The following REM1 variants were observed in gnomAD, a reference collection of about 807,000 sequenced individuals.
REM1 encodes the protein GTP-binding protein REM 1.
In REM1, 20 loss-of-function variants were observed where a neutral mutation model predicts 27.0. The observed-to-expected ratio is 0.74, with a 90% CI of 0.52 to 1.08. The LOEUF (loss-of-function observed/expected upper bound fraction) is 1.08, where lower values mean the gene tolerates loss of function less well. Among genes scored for constraint, REM1 ranks in the 50% least tolerant of loss-of-function variants. The probability of loss-of-function intolerance (pLI) is 0.00; values close to 1 mark genes in which losing one functional copy is unlikely to be tolerated. For synonymous variants in REM1, 159 were observed against 167.9 expected, an observed-to-expected ratio of 0.95 and a Z score of 0.41; for missense variants, 405 against 407.0, an observed-to-expected ratio of 1.00 and a Z score of 0.04.
chr20:31,476,828 G>A (rs774652168), intron 2 of REM1, 43 bp downstream of exon 2: 20 of 1,510,038 alleles, frequency 1.3e-5, no homozygotes, highest in East Asian at 6.9e-5. Flanking sequence ...CCAAAGGAGC[G>A]AAAGCCCTGT....
chr20:31,476,059 T>C (rs1443569311), intron 1 of REM1, among the ~76,000 whole-genome samples, 168 bp from the exon 2 acceptor site: 4 of 152,200 alleles, frequency 2.6e-5, no homozygotes, highest in African/African-American at 9.6e-5. Flanking sequence ...CAGGTCCGTG[T>C]ACACGGAATG....
At chr20:31,478,903 C>G (rs183604676) in intron 3 of REM1, among the ~76,000 whole-genome samples, 5 of 151,266 alleles carry the variant, frequency 3.3e-5, no homozygotes, top group Non-Finnish European at 7.4e-5. Context: ...GGCGCCATCT[C>G]GGCTCACTGC....
At chr20:31,480,060 G>A (rs1254767262) in intron 3 of REM1, among the ~76,000 whole-genome samples, 1 of 152,110 alleles carries the variant, frequency 6.6e-6, no homozygotes, top group East Asian at 1.9e-4. Flanking sequence ...TTGCACTCCA[G>A]CCTAGGCAAC....
At chr20:31,478,677 G>A (rs560718063) in intron 3 of REM1, among the ~76,000 whole-genome samples, 5 of 152,100 alleles carry the variant, frequency 3.3e-5, no homozygotes, top group Non-Finnish European at 7.4e-5. Flanking sequence ...TAGGGGATAG[G>A]CTGCTCAAAA....
At chr20:31,480,285 A>C (rs1193739265) in intron 3 of REM1, among the ~76,000 whole-genome samples, 3 of 151,066 alleles carry the variant, frequency 2.0e-5, no homozygotes, top group African/African-American at 7.3e-5. Flanking sequence ...ATACATACAT[A>C]GATACTACAG....
At chr20:31,480,252 T>C (rs201298634) in intron 3 of REM1, among the ~76,000 whole-genome samples, 1 of 28,812 alleles carries the variant, frequency 3.5e-5, no homozygotes, top group East Asian at 0.25. Flanking sequence ...CATACACACA[T>C]ACATACATAC....
intron 4 of REM1, among the ~76,000 whole-genome samples, chr20:31,483,471 C>A (rs929792372): frequency 6.6e-6 from 1 of 152,088 alleles, no homozygotes; most frequent in Admixed American, 6.6e-5. Flanking sequence ...ATTCAAATTT[C>A]TCAAAGCTTT....
In REM1 at chr20:31,476,914, A is replaced by G. The variant is rs921287051; in HGVS notation, c.340+129A>G. Reference sequence around the variant, plus strand: ...CAACTCTAAGGGGCATCATTCACTTAGACTATGACATGCACGATGCCCCCC... The same window carrying G: ...CAACTCTAAGGGGCATCATTCACTTGGACTATGACATGCACGATGCCCCCC... On this transcript the variant is annotated intron_variant, in intron 2 of 4. Coordinates refer to ENST00000201979, the MANE Select transcript of REM1 (RefSeq NM_014012.6). The G allele has an allele frequency of 5.3e-6, 4 of 759,410 alleles. No homozygotes were observed. In the African/African-American group the frequency reaches 5.3e-5, roughly 10 times the overall value. The allele number at this position is 759,410 out of a possible 1,614,324, so 47.0% of individuals were successfully genotyped here.
chr20:31,482,363 G>A lies in REM1; in HGVS notation c.500G>A (p.Gly167Asp). The change falls in exon 4 of 5, where the codon GGC (glycine) becomes GAC (aspartate). Residue 167 changes from glycine to aspartate, a missense_variant. Physicochemically the swap from Gly to Asp is moderately conservative, Grantham distance 94. Transcript: ENST00000201979. ...YVIVYSIADR[G>D]SFESASELRI... ...ATCGTATACTCCATCGCAGACCGAG[G>A]CAGCTTTGAGAGTGCCTCTGAGCTC... The A allele has an allele frequency of 6.2e-7, 1 of 1,614,168 alleles. No homozygotes were observed. The highest frequency in any genetic ancestry group is 8.5e-7 in the Non-Finnish European group (1 of 1,180,038).
At chr20:31,476,863 A>G (rs1398579808) in intron 2 of REM1, 78 bp downstream of exon 2, 7 of 1,239,602 alleles carry the variant, frequency 5.6e-6, no homozygotes, top group Admixed American at 2.6e-5. Context: ...GGCTGCCAAG[A>G]ACAGTTGTAC....
rs146287841 is a variant in REM1 at position 31,476,461 on chromosome 20, G to C, written c.16G>C (p.Glu6Gln). The change falls in exon 2 of 5, where the codon GAG becomes CAG. Residue 6 changes from glutamate (E) to glutamine (Q), a missense_variant. Glu to Gln is a conservative substitution (Grantham distance 29). Transcript: ENST00000201979. MTLNT[E>Q]QEAKTPLHRR... is the part of the protein sequence containing the mutation. ...CCTACCAAAGATGACACTCAACACC[G>C]AGCAGGAAGCAAAGACCCCTCTGCA... is the stretch of plus-strand genomic sequence containing the variant. The C allele has an allele frequency of 1.4e-5, 22 of 1,592,040 alleles. No homozygotes were observed. The highest frequency in any genetic ancestry group is 1.9e-5 in the Non-Finnish European group (22 of 1,169,166).
At chr20:31,477,732 G>A (rs2122470541) in intron 2 of REM1, 96 bp from the exon 3 acceptor site, 2 of 840,980 alleles carry the variant, frequency 2.4e-6, no homozygotes, top group Admixed American at 2.0e-5. Flanking sequence ...AGGACAAGTG[G>A]AGGGGGCGAT....
At chr20:31,482,219 C>T in intron 3 of REM1, 68 bp from the exon 4 acceptor site, 2 of 1,497,154 alleles carry the variant, frequency 1.3e-6, no homozygotes, top group Non-Finnish European at 1.9e-6. Flanking sequence ...TAGACCATCC[C>T]AGCTCCACCT....
Position 31,484,561 on chromosome 20 carries a change from C to A in REM1, c.*131C>A. 1 of 1,128,106 alleles carries A rather than the reference C, an allele frequency of 8.9e-7. No individual in the cohort carries two copies. The highest frequency in any genetic ancestry group is 1.2e-6 in the Non-Finnish European group (1 of 839,910). The allele number at this position is 1,128,106 out of a possible 1,614,324, so 69.9% of individuals were successfully genotyped here. A position where few individuals can be genotyped will look rare whatever the true frequency, so the allele number is the denominator to read the frequency against. ...TCTTGCTTGCCTGCTGCCCTGATGG[C>A]CTGAGCATCCCCCAGATCCAAGCCT... On this transcript the variant is annotated 3_prime_UTR_variant, in exon 5 of 5. Coordinates refer to ENST00000201979, the MANE Select transcript of REM1 (RefSeq NM_014012.6).
chr20:31,478,478 G>A (rs1980604323), intron 3 of REM1, among the ~76,000 whole-genome samples: 1 of 152,148 alleles, frequency 6.6e-6, no homozygotes. Context: ...ATTATGACTT[G>A]GTAGCTAGAG....
At position 31,484,798 on chromosome 20, in the gene REM1, C is replaced by T. The variant is rs1267021916; in HGVS notation, c.*368C>T. The T allele has an allele frequency of 9.4e-6, 2 of 213,138 alleles. No individual in the cohort carries two copies. Among genetic ancestry groups the T allele is most frequent in the Admixed American group, 6.0e-5 (1 of 16,798 alleles). The allele number at this position is 213,138 out of a possible 1,614,324, so 13.2% of individuals were successfully genotyped here. The stretch of plus-strand genomic sequence containing the variant: ...ACCTCTCCATCTCGGCTCTTCCAGG[C>T]GTCTCCACCTACTGCCCTCCCATCT... On this transcript the variant is annotated 3_prime_UTR_variant, in exon 5 of 5. Transcript: ENST00000201979.
At chr20:31,478,730 A>C (rs570812117) in intron 3 of REM1, among the ~76,000 whole-genome samples, 1 of 152,314 alleles carries the variant, frequency 6.6e-6, no homozygotes, top group Admixed American at 6.5e-5. Flanking sequence ...CTGATGAGGA[A>C]ACCAAAGACC....
Position 31,484,526 on chromosome 20 carries a change from G to C in REM1, c.*96G>C. 1 of 1,366,706 alleles carries C rather than the reference G, an allele frequency of 7.3e-7. No individual in the cohort carries two copies. Among genetic ancestry groups the C allele is most frequent in the Non-Finnish European group, 9.6e-7 (1 of 1,042,370 alleles). The allele number at this position is 1,366,706 out of a possible 1,614,324, so 84.7% of individuals were successfully genotyped here. ...GCAAAGGCGCCGTTACCTGGAGTCT[G>C]CATCATGGGTCTTGCTTGCCTGCTG... On this transcript the variant is annotated 3_prime_UTR_variant, in exon 5 of 5. Transcript: ENST00000201979.
rs1980510587 is a variant in REM1, at chr20:31,476,536, G to A, written c.91G>A (p.Gly31Ser). 1.9e-6 allele frequency: 3 copies of A among 1,614,038 alleles called. No individual in the cohort carries two copies. Among genetic ancestry groups the A allele is most frequent in the African/African-American group, 1.3e-5 (1 of 74,940 alleles). The change falls in exon 2 of 5, where the codon GGC becomes AGC. Residue 31 changes from glycine to serine, a missense_variant. Transcript: ENST00000201979. ...CCTGTCCCCACGGGGCCACCAGCCT[G>A]GCCGCCTGAGCACAGTGCCTTCCAC... is the stretch of plus-strand genomic sequence containing the variant. ...LPLSPRGHQPGRLSTVPSTQS... is the reference protein window; with the variant it reads ...LPLSPRGHQPSRLSTVPSTQS...
Sources: allele counts gnomAD v4.1 joint callset (sites outside exome capture counted in the v4.1 genomes callset), GRCh38; gene constraint gnomAD v4.1.1; transcripts MANE v1.5; gene names NCBI Gene and HGNC (gene_info 2026-07-23, HGNC 2026-07-21).